COG8: variants seen among roughly 807,000 people sequenced by gnomAD.
The protein encoded by COG8 is component of oligomeric golgi complex 8, also known as conserved oligomeric Golgi complex subunit 8.
In COG8, 45 loss-of-function variants were observed where a neutral mutation model predicts 46.5. That is an observed-to-expected ratio of 0.97 (90% CI 0.76 to 1.24). The LOEUF is 1.24. Ranked by LOEUF, COG8 falls within the 50% of genes most tolerant of loss-of-function variation. COG8 has a pLI of 0.00. For missense variants in COG8, 793 were observed against 820.8 expected (o/e 0.97, Z 0.41); for synonymous variants, 407 against 347.8 (o/e 1.17, Z -1.90).
At chr16:69,335,994 C>T (rs2012185909) in intron 2 of COG8, among the ~76,000 whole-genome samples, 1 of 152,086 alleles carries the variant, frequency 6.6e-6, no homozygotes, top group African/African-American at 2.4e-5. Context: ...GCCTCTGTAT[C>T]CCTTAAACAC....
chr16:69,336,400 C>G, intron 2 of COG8, 105 bp downstream of exon 2: 1 of 1,050,798 alleles, frequency 9.5e-7, no homozygotes, highest in Non-Finnish European at 1.4e-6. Flanking sequence ...CTGGCAGAAA[C>G]TGATGTGAAA....
At chr16:69,330,721 C>T in intron 5 of COG8, 92 bp downstream of exon 5, 1 of 1,417,982 alleles carries the variant, frequency 7.1e-7, no homozygotes, top group Non-Finnish European at 9.2e-7. Context: ...CTTCCGCTCT[C>T]CTCCCGGGAG....
rs373728891 is a variant in COG8 at position 69,334,515 on chromosome 16, G to A, written c.1413+6C>T. 7 of 1,612,970 alleles carry A rather than the reference G, an allele frequency of 4.3e-6. No individual in the cohort carries two copies. The highest frequency in any genetic ancestry group is 5.9e-6 in the Non-Finnish European group (7 of 1,179,040). On this transcript the variant is annotated splice_donor_region_variant and intron_variant, in intron 3 of 5. Transcript: ENST00000306875. ...GGGTAGCAGAAAACCAACAGAATGTGCTCACCTTGGCAAGGGCATCTTCCA... is the reference window on the plus strand; with the variant it reads ...GGGTAGCAGAAAACCAACAGAATGTACTCACCTTGGCAAGGGCATCTTCCA...
Position 69,331,216 on chromosome 16 carries a change from GGA to G in COG8, c.1583-123_1583-122del. On this transcript the variant is annotated intron_variant, in intron 4 of 5. Transcript: ENST00000306875. ...TAATCCCAGCACTTTGGGAGGCCGG[GGA>G]GGGGGGGGCGGATCACCTGAGGTCA... 2.7e-5 allele frequency: 28 copies of G among 1,055,786 alleles called. No homozygotes were observed. The Admixed American group carries it at 4.8e-4, about 18-fold the overall frequency. The allele number at this position is 1,055,786 out of a possible 1,614,324, so 65.4% of individuals were successfully genotyped here. A position where few individuals can be genotyped will look rare whatever the true frequency, so the allele number is the denominator to read the frequency against.
In COG8 at chr16:69,334,609, A is replaced by G. The variant is rs375393024; in HGVS notation, c.1325T>C (p.Ile442Thr). 9.9e-6 allele frequency: 16 copies of G among 1,614,056 alleles called. No homozygotes were observed. In the African/African-American group the frequency reaches 2.1e-4, roughly 22 times the overall value. ...FPPLACFLNN[I>T]LVAFNDLRLC... ...GCGCAGATCATTGAAGGCAACCAGAATATTGTTGAGAAAGCAGGCGAGGGG... is the reference window on the plus strand; with the variant it reads ...GCGCAGATCATTGAAGGCAACCAGAGTATTGTTGAGAAAGCAGGCGAGGGG... Residue 442 changes from isoleucine (I) to threonine (T), a missense_variant, in exon 3 of 6, where the codon ATT becomes ACT. Transcript: ENST00000306875.
rs573017898 is a variant in COG8 at position 69,336,706 on chromosome 16, A to C, written c.384T>G (p.Phe128Leu). Reference sequence around the variant, plus strand: ...AGCTGATCTCCTCGGCTTCCTTCACAAAGTTCCTAGTAATAATCAGAAGAA... The same window carrying C: ...AGCTGATCTCCTCGGCTTCCTTCACCAAGTTCCTAGTAATAATCAGAAGAA... Reference protein sequence around the residue: ...LPSFQQSCRNFVKEAEEISSN... With the variant: ...LPSFQQSCRNLVKEAEEISSN... Residue 128 changes from phenylalanine to leucine, a missense_variant, in exon 2 of 6, where the codon TTT becomes TTG. Transcript: ENST00000306875. 6.2e-7 allele frequency: 1 copy of C among 1,613,992 alleles called. No individual in the cohort carries two copies. Among genetic ancestry groups the C allele is most frequent in the African/African-American group, 1.3e-5 (1 of 75,036 alleles).
At chr16:69,333,028 AC>A in intron 3 of COG8, 146 bp from the exon 4 acceptor site, 1 of 745,218 alleles carries the variant, frequency 1.3e-6, no homozygotes, top group Admixed American at 2.2e-5. Context: ...TCTCATTTAA[AC>A]TCAGAATTAT....
rs772284121 is a variant in COG8 at position 69,330,387 on chromosome 16, G to C, written c.*26+426C>G. 42 of 1,479,382 alleles carry C rather than the reference G, an allele frequency of 2.8e-5. No homozygotes were observed. The South Asian group carries it at 3.6e-4, about 13-fold the overall frequency. The allele number at this position is 1,479,382 out of a possible 1,614,324, so 91.6% of individuals were successfully genotyped here. On this transcript the variant is annotated intron_variant, in intron 5 of 5. Coordinates refer to ENST00000306875, the MANE Select transcript of COG8 (RefSeq NM_032382.5). The stretch of plus-strand genomic sequence containing the variant: ...ACTTGGCACACGTGCGAGAACGGCG[G>C]TTCGGGAGGACCCAGCACCAGACGC...
chr16:69,337,892 C>T (rs868514170), intron 1 of COG8, among the ~76,000 whole-genome samples: 1 of 152,166 alleles, frequency 6.6e-6, no homozygotes, highest in African/African-American at 2.4e-5. Flanking sequence ...CGTGCCACCA[C>T]GCCCAGCTAA....
chr16:69,328,768 T>C lies in COG8; in HGVS notation c.*438A>G. On this transcript the variant is annotated 3_prime_UTR_variant, in exon 6 of 6. Transcript: ENST00000306875. ...AATGCAATTACCCCACCTTCCTCCA[T>C]ACAGAATTGTTAGGAAATGTCCACT... is the stretch of plus-strand genomic sequence containing the variant. 6 of 478,476 alleles carry C rather than the reference T, an allele frequency of 1.3e-5. No individual in the cohort carries two copies. Among genetic ancestry groups the C allele is most frequent in the Non-Finnish European group, 1.8e-5 (5 of 274,262 alleles). 29.6% of individuals were successfully genotyped at this position (478,476 alleles called of 1,614,324 possible). A position where few individuals can be genotyped will look rare whatever the true frequency, so the allele number is the denominator to read the frequency against.
intron 3 of COG8, among the ~76,000 whole-genome samples, chr16:69,333,611 G>T (rs2012022281): frequency 6.6e-6 from 1 of 152,212 alleles, no homozygotes; most frequent in African/African-American, 2.4e-5. Context: ...AAAACAGCTA[G>T]GAAAGAGAAG....
intron 3 of COG8, among the ~76,000 whole-genome samples, chr16:69,333,921 T>C (rs80004449): frequency 0.019 from 2,851 of 152,312 alleles, 86 homozygotes; most frequent in African/African-American, 0.064. Flanking sequence ...TCTGACTTAA[T>C]CAAATGAAGT....
At chr16:69,334,483 A>G in intron 3 of COG8, 38 bp downstream of exon 3, 1 of 1,569,016 alleles carries the variant, frequency 6.4e-7, no homozygotes, top group Non-Finnish European at 8.8e-7. Context: ...TTACCAGAGA[A>G]GGCCCAGGGT....
intron 4 of COG8, among the ~76,000 whole-genome samples, chr16:69,332,399 G>T (rs1161688978): frequency 7.2e-5 from 11 of 151,858 alleles, no homozygotes; most frequent in Non-Finnish European, 5.9e-5. Context: ...TCACATAAAT[G>T]GAATCATACG....
At position 69,332,770 on chromosome 16, in the gene COG8, T is replaced by C; in HGVS notation, c.1526A>G (p.Tyr509Cys). Residue 509 changes from tyrosine to cysteine, a missense_variant, in exon 4 of 6, where the codon TAT becomes TGT. By Grantham distance (194) the Tyr-to-Cys change is radical. Coordinates refer to ENST00000306875, the MANE Select transcript of COG8 (RefSeq NM_032382.5). ...CTVFLEDLVP[Y>C]LNRCLQVLFP... ...AAGGACTTGGAGACAGCGATTTAAATACGGAACAAGGTCTTCCAGGAAGAC... is the reference window on the plus strand; with the variant it reads ...AAGGACTTGGAGACAGCGATTTAAACACGGAACAAGGTCTTCCAGGAAGAC... 1 of 1,614,198 alleles carries C rather than the reference T, an allele frequency of 6.2e-7. No individual in the cohort carries two copies. Among genetic ancestry groups the C allele is most frequent in the Non-Finnish European group, 8.5e-7 (1 of 1,180,010 alleles).
Position 69,336,483 on chromosome 16 carries a change from CCT to C in COG8, c.585+20_585+21del, listed in dbSNP as rs778525231. On this transcript the variant is annotated intron_variant, in intron 2 of 5. Coordinates refer to ENST00000306875, the MANE Select transcript of COG8 (RefSeq NM_032382.5). ...TGATTACAAGAACATTACTTTGAGT[CCT>C]CTCTGGGCAAGGTGGCTACCTGGAT... The C allele has an allele frequency of 1.2e-5, 20 of 1,609,108 alleles. No homozygotes were observed. The highest frequency in any genetic ancestry group is 1.7e-5 in the Non-Finnish European group (20 of 1,176,006).
intron 5 of COG8, chr16:69,330,348 G>A: frequency 6.8e-7 from 1 of 1,472,794 alleles, no homozygotes; most frequent in Non-Finnish European, 8.9e-7. Flanking sequence ...ACGCCGCGCA[G>A]CACCGGGTCC....
rs147945088 is a variant in COG8, at chr16:69,336,151, C to G, written c.585+354G>C. On this transcript the variant is annotated intron_variant, in intron 2 of 5. Transcript: ENST00000306875. ...CCCTAGAAGAGTCCTTCTTGATCAC[C>G]CTACCTAAAGAAACCTACCCTAGAC... Among the ~76,000 whole-genome samples, 13 of 152,258 alleles carry G rather than the reference C, an allele frequency of 8.5e-5. No homozygotes were observed. The East Asian group carries it at 2.5e-3, about 29-fold the overall frequency.
intron 5 of COG8, 32 bp downstream of exon 5, chr16:69,330,781 C>G (rs1345447705): frequency 3.3e-6 from 5 of 1,497,698 alleles, no homozygotes; most frequent in South Asian, 1.3e-5. Context: ...GCGAGGCAGT[C>G]CTGGCCACCC....
Sources: allele counts gnomAD v4.1 joint callset (sites outside exome capture counted in the v4.1 genomes callset), GRCh38; gene constraint gnomAD v4.1.1; transcripts MANE v1.5; gene names NCBI Gene and HGNC (gene_info 2026-07-23, HGNC 2026-07-21).